Variants in NKAIN3 observed in about 807,000 individuals in gnomAD.
NKAIN3 encodes the protein sodium/potassium-transporting ATPase subunit beta-1-interacting protein 3.
In NKAIN3, 25 loss-of-function variants were observed where a neutral mutation model predicts 30.2. That is an observed-to-expected ratio of 0.83 (90% CI 0.60 to 1.16). The LOEUF is 1.16. NKAIN3 is among the 50% of genes most tolerant of loss of function. The pLI, the probability that NKAIN3 is intolerant of heterozygous loss-of-function variation, is 0.00. For missense variants in NKAIN3, 225 were observed against 254.1 expected (o/e 0.89, Z 0.78); for synonymous variants, 91 against 89.6 (o/e 1.02, Z -0.09).
chr8:62,904,740 A>T (rs566564953), intron 4 of NKAIN3, among the ~76,000 whole-genome samples: 1 of 152,240 alleles, frequency 6.6e-6, no homozygotes, highest in Admixed American at 6.5e-5. Flanking sequence ...GAAGCATTTG[A>T]TGAAACATTC....
chr8:62,935,380 C>T (rs928635607), intron 5 of NKAIN3, among the ~76,000 whole-genome samples: 49 of 152,096 alleles, frequency 3.2e-4, no homozygotes, highest in African/African-American at 1.2e-3. Context: ...TTACTGCATG[C>T]TTTCTGTGTG....
At chr8:62,820,532 A>T (rs540658807) in intron 4 of NKAIN3, among the ~76,000 whole-genome samples, 29 of 152,284 alleles carry the variant, frequency 1.9e-4, no homozygotes, top group Non-Finnish European at 2.8e-4. Flanking sequence ...TTAATCATGA[A>T]GCTCTATAGG....
intron 1 of NKAIN3, among the ~76,000 whole-genome samples, chr8:62,554,828 A>G (rs766365503): frequency 6.6e-6 from 1 of 152,042 alleles, no homozygotes; most frequent in Non-Finnish European, 1.5e-5. Flanking sequence ...TTTGACTTAT[A>G]TCTCCCCACA....
chr8:62,628,792 A>G (rs1368420751), intron 3 of NKAIN3, among the ~76,000 whole-genome samples: 2 of 152,118 alleles, frequency 1.3e-5, no homozygotes, highest in Non-Finnish European at 2.9e-5. Flanking sequence ...ATCCTATTCA[A>G]GATGATATTT....
chr8:62,644,854 T>C (rs185105974), intron 3 of NKAIN3, among the ~76,000 whole-genome samples: 1 of 152,312 alleles, frequency 6.6e-6, no homozygotes, highest in East Asian at 1.9e-4. Context: ...TTTGTTTGCA[T>C]AATTAATTGC....
chr8:62,438,546 C>T (rs1349390124), intron 1 of NKAIN3, among the ~76,000 whole-genome samples: 5 of 152,066 alleles, frequency 3.3e-5, no homozygotes, highest in Non-Finnish European at 7.4e-5. Flanking sequence ...TCAGTAGGGC[C>T]GGTGTCATGA....
chr8:62,531,999 G>C (rs141671221), intron 1 of NKAIN3, among the ~76,000 whole-genome samples: 1 of 152,304 alleles, frequency 6.6e-6, no homozygotes, highest in East Asian at 1.9e-4. Flanking sequence ...ACTCCAGCAT[G>C]TCTGGGAAAT....
Position 62,973,071 on chromosome 8 carries a change from T to C in NKAIN3, c.*7664T>C, listed in dbSNP as rs145905695. Among the ~76,000 whole-genome samples the C allele has an allele frequency of 0.022, 3,344 of 152,314 alleles. 55 individuals carry two copies. The highest frequency in any genetic ancestry group is 0.03 in the South Asian group (145 of 4,832). ...CACATTTTCTTTATCCGTTCTAACA[T>C]TGATGGGCATTTGGGTTGGTTCCAA... On this transcript the variant is annotated 3_prime_UTR_variant, in exon 7 of 7. Coordinates refer to ENST00000623646, the MANE Select transcript of NKAIN3 (RefSeq NM_001304533.3).
intron 4 of NKAIN3, among the ~76,000 whole-genome samples, chr8:62,870,221 T>TATATATAGATATAG (rs1820563084): frequency 2.8e-5 from 4 of 143,752 alleles, no homozygotes; most frequent in Non-Finnish European, 3.0e-5. Flanking sequence ...TATATATATC[T>TATATATAGATATAG]ATATCTATAT....
intron 3 of NKAIN3, among the ~76,000 whole-genome samples, chr8:62,657,154 C>T (rs760957988): frequency 7.9e-5 from 12 of 152,136 alleles, no homozygotes; most frequent in Admixed American, 4.6e-4. Context: ...TGGAATTCTA[C>T]CTTGCAAAGT....
At chr8:62,614,912 C>T (rs187900012) in intron 3 of NKAIN3, among the ~76,000 whole-genome samples, 3 of 152,274 alleles carry the variant, frequency 2.0e-5, no homozygotes, top group Admixed American at 2.0e-4. Context: ...TCCCCTCTGG[C>T]CCAGGGCAGG....
chr8:62,330,606 G>A (rs1026462563), intron 1 of NKAIN3, among the ~76,000 whole-genome samples: 2 of 151,878 alleles, frequency 1.3e-5, no homozygotes, highest in African/African-American at 4.8e-5. Flanking sequence ...TCACTCAGTC[G>A]CTCCAGATGG....
chr8:62,451,398 A>G (rs1805638010), intron 1 of NKAIN3, among the ~76,000 whole-genome samples: 1 of 148,818 alleles, frequency 6.7e-6, no homozygotes, highest in Non-Finnish European at 1.5e-5. Flanking sequence ...AAAGTCTGTG[A>G]ATTCAGATAG....
intron 4 of NKAIN3, among the ~76,000 whole-genome samples, chr8:62,845,821 A>C (rs1819672803): frequency 6.6e-6 from 1 of 152,214 alleles, no homozygotes; most frequent in South Asian, 2.1e-4. Flanking sequence ...CTTTGTTCTG[A>C]CCAATCCTTT....
chr8:62,573,814 T>C (rs755034503), intron 1 of NKAIN3, among the ~76,000 whole-genome samples: 1 of 152,168 alleles, frequency 6.6e-6, no homozygotes, highest in Non-Finnish European at 1.5e-5. Flanking sequence ...AGGCTTGCAA[T>C]GTGTGATAAT....
At chr8:62,739,919 A>T (rs1396145058) in intron 3 of NKAIN3, among the ~76,000 whole-genome samples, 3 of 152,148 alleles carry the variant, frequency 2.0e-5, no homozygotes, top group Non-Finnish European at 4.4e-5. Context: ...TGCAGGATAA[A>T]TTTTTTTAGA....
intron 3 of NKAIN3, among the ~76,000 whole-genome samples, chr8:62,688,539 C>G (rs1408599949): frequency 6.6e-6 from 1 of 151,912 alleles, no homozygotes; most frequent in African/African-American, 2.4e-5. Context: ...TGGAATAAAC[C>G]CTGGTAGTAT....
intron 3 of NKAIN3, among the ~76,000 whole-genome samples, chr8:62,652,001 T>G (rs577211081): frequency 1.3e-5 from 2 of 152,136 alleles, no homozygotes; most frequent in Non-Finnish European, 2.9e-5. Flanking sequence ...TCATTATAAA[T>G]TATCCAGTCT....
rs1407531628 is a variant in NKAIN3 at position 62,977,263 on chromosome 8, T to C, written c.*11856T>C. ...CTGCCTTGCGAGGTTGGGGAAGTTC[T>C]CCTGGATTATATCCTAAATTGTGCT... On this transcript the variant is annotated 3_prime_UTR_variant, in exon 7 of 7. Transcript: ENST00000623646. Among the ~76,000 whole-genome samples the C allele has an allele frequency of 6.6e-6, 1 of 152,222 alleles. No individual in the cohort carries two copies. Among genetic ancestry groups the C allele is most frequent in the Non-Finnish European group, 1.5e-5 (1 of 68,046 alleles).
Sources: gnomAD v4.1 joint callset for allele counts (sites outside exome capture counted in the v4.1 genomes callset) on GRCh38, gnomAD v4.1.1 for gene constraint, MANE v1.5 for transcripts, NCBI Gene and HGNC (gene_info 2026-07-23, HGNC 2026-07-21) for gene names.